The following DPYD variants were observed in gnomAD, a reference collection of about 807,000 sequenced individuals.
DPYD encodes the protein dihydropyrimidine dehydrogenase, also known as dihydropyrimidine dehydrogenase [NADP(+)].
A neutral mutation model predicts 116.2 loss-of-function variants in DPYD; 109 were observed. The observed-to-expected ratio is 0.94, with a 90% confidence interval of 0.80 to 1.10. The LOEUF is 1.10. Ranked by LOEUF, DPYD falls within the 50% of genes least tolerant of loss-of-function variation. The probability of loss-of-function intolerance (pLI) is 0.00; values close to 1 mark genes in which losing one functional copy is unlikely to be tolerated. For synonymous variants in DPYD, 440 were observed against 432.0 expected, an observed-to-expected ratio of 1.02 and a Z score of -0.23; for missense variants, 1,302 against 1,254.5, an observed-to-expected ratio of 1.04 and a Z score of -0.57.
At chr1:97,640,813 A>G (rs1238063423) in intron 8 of DPYD, among the ~76,000 whole-genome samples, 4 of 152,128 alleles carry the variant, frequency 2.6e-5, no homozygotes, top group Admixed American at 6.6e-5. Context: ...GTGAAAAAAA[A>G]TGGTCACTTC....
intron 14 of DPYD, among the ~76,000 whole-genome samples, chr1:97,405,883 A>C (rs1383812109): frequency 6.6e-6 from 1 of 152,140 alleles, no homozygotes; most frequent in East Asian, 1.9e-4. Flanking sequence ...AGAAAAACAG[A>C]ATGCTCTGCC....
chr1:97,235,044 T>C (rs1387213463), intron 18 of DPYD, 50 bp from the exon 19 acceptor site: 1 of 1,607,630 alleles, frequency 6.2e-7, no homozygotes, highest in Non-Finnish European at 8.5e-7. Flanking sequence ...CACTTGAGTA[T>C]ACTGTCTTAT....
chr1:97,503,027 T>C (rs1316388760), intron 13 of DPYD, among the ~76,000 whole-genome samples: 1 of 152,016 alleles, frequency 6.6e-6, no homozygotes, highest in Non-Finnish European at 1.5e-5. Context: ...GAGACAACTG[T>C]AACGTTTCAA....
intron 18 of DPYD, among the ~76,000 whole-genome samples, chr1:97,270,181 T>C (rs1156957083): frequency 2.6e-5 from 4 of 152,116 alleles, no homozygotes. Context: ...AAGAAAGCAA[T>C]AGAATCACTA....
At chr1:97,729,168 T>C (rs973626247) in intron 4 of DPYD, among the ~76,000 whole-genome samples, 1 of 152,116 alleles carries the variant, frequency 6.6e-6, no homozygotes. Context: ...GATCCTGAGA[T>C]ATTTAACTGG....
intron 8 of DPYD, among the ~76,000 whole-genome samples, chr1:97,650,358 C>T (rs571179324): frequency 6.6e-6 from 1 of 152,270 alleles, no homozygotes; most frequent in South Asian, 2.1e-4. Flanking sequence ...CTCTTCTAAT[C>T]TTGTAATGTA....
At chr1:97,306,473 G>A (rs916736943) in intron 16 of DPYD, among the ~76,000 whole-genome samples, 176 bp from the exon 17 acceptor site, 2 of 151,846 alleles carry the variant, frequency 1.3e-5, no homozygotes, top group African/African-American at 4.8e-5. Context: ...AGGGAACTAA[G>A]GTTAACACAC....
chr1:97,545,908 C>T (rs1650812006), intron 12 of DPYD: 2 of 1,080,562 alleles, frequency 1.9e-6, no homozygotes, highest in East Asian at 2.4e-5. Flanking sequence ...TTAAACTATC[C>T]AGGATTTGGT....
intron 3 of DPYD, among the ~76,000 whole-genome samples, chr1:97,818,863 C>T (rs1668773003): frequency 6.6e-6 from 1 of 151,840 alleles, no homozygotes; most frequent in South Asian, 2.1e-4. Context: ...TGTGTGTATC[C>T]ATGTGTGTGC....
At chr1:97,651,395 T>G (rs915970995) in intron 8 of DPYD, among the ~76,000 whole-genome samples, 2 of 152,198 alleles carry the variant, frequency 1.3e-5, no homozygotes, top group African/African-American at 4.8e-5. Flanking sequence ...CTCATTTATT[T>G]TATTCAGGCA....
At chr1:97,604,179 T>A (rs1655433425) in intron 8 of DPYD, among the ~76,000 whole-genome samples, 1 of 152,166 alleles carries the variant, frequency 6.6e-6, no homozygotes, top group African/African-American at 2.4e-5. Context: ...AGCTGCTCAG[T>A]TCAGAAGGAT....
chr1:97,834,064 A>G (rs547150875), intron 2 of DPYD, among the ~76,000 whole-genome samples: 10 of 152,212 alleles, frequency 6.6e-5, no homozygotes, highest in African/African-American at 2.2e-4. Context: ...ATCAGGGAGG[A>G]TGATTTCACA....
chr1:97,643,539 T>C (rs1264830467), intron 8 of DPYD, among the ~76,000 whole-genome samples: 1 of 152,108 alleles, frequency 6.6e-6, no homozygotes, highest in Non-Finnish European at 1.5e-5. Context: ...ATTCCTCAAG[T>C]ATCAAGAACT....
intron 18 of DPYD, among the ~76,000 whole-genome samples, chr1:97,254,510 C>A (rs565522986): frequency 6.6e-6 from 1 of 152,102 alleles, no homozygotes; most frequent in East Asian, 1.9e-4. Context: ...TATGTACCAT[C>A]AAATTACCTA....
intron 18 of DPYD, among the ~76,000 whole-genome samples, chr1:97,243,713 A>T (rs985739639): frequency 6.6e-6 from 1 of 151,990 alleles, no homozygotes; most frequent in African/African-American, 2.4e-5. Context: ...ATTGTTGGAT[A>T]AAAATTAAAT....
chr1:97,587,574 C>T (rs1171639030), intron 10 of DPYD, among the ~76,000 whole-genome samples: 1 of 152,044 alleles, frequency 6.6e-6, no homozygotes, highest in Admixed American at 6.5e-5. Flanking sequence ...ACCGGTAATC[C>T]CCGCACTTTG....
At chr1:97,859,417 G>A (rs564571205) in intron 2 of DPYD, among the ~76,000 whole-genome samples, 4 of 152,158 alleles carry the variant, frequency 2.6e-5, no homozygotes, top group Non-Finnish European at 4.4e-5. Flanking sequence ...TGGGGAACAT[G>A]GGCTGTACAG....
At chr1:97,757,865 T>C (rs533555368) in intron 3 of DPYD, among the ~76,000 whole-genome samples, 1 of 152,156 alleles carries the variant, frequency 6.6e-6, no homozygotes. Context: ...GTACAATCTC[T>C]TTAGGAAAAA....
chr1:97,673,691 T>G (rs1659992507), intron 8 of DPYD, among the ~76,000 whole-genome samples: 1 of 152,056 alleles, frequency 6.6e-6, no homozygotes, highest in Non-Finnish European at 1.5e-5. Context: ...AAAAGTCCAG[T>G]CTGAACATAG....
Sources: gnomAD v4.1 joint callset for allele counts (sites outside exome capture counted in the v4.1 genomes callset) on GRCh38, gnomAD v4.1.1 for gene constraint, MANE v1.5 for transcripts, NCBI Gene and HGNC (gene_info 2026-07-23, HGNC 2026-07-21) for gene names.